The following NRIP1 variants were observed in gnomAD, a reference collection of about 807,000 sequenced individuals.
NRIP1 encodes nuclear receptor interacting protein 1, also known as nuclear receptor-interacting protein 1.
NRIP1 carries 28 observed loss-of-function variants against 75.0 expected under a neutral mutation model. That is an observed-to-expected ratio of 0.37 (90% CI 0.28 to 0.51). NRIP1 has a LOEUF of 0.51. Ranked by LOEUF, NRIP1 falls within the 20% of genes least tolerant of loss-of-function variation. The pLI is 0.92. For synonymous variants in NRIP1, 526 were observed against 487.6 expected (o/e 1.08, Z -1.04); for missense variants, 1,435 against 1,343.7 (o/e 1.07, Z -1.06).
In NRIP1 at chr21:14,964,579, C is replaced by T; in HGVS notation, c.*137G>A. ...ATTAGTATGCATATTTCAACATCAC[C>T]AGTAACCAATACTTTTCAAAATGAA... On this transcript the variant is annotated 3_prime_UTR_variant, in exon 4 of 4. Transcript: ENST00000318948. The T allele has an allele frequency of 4.4e-6, 3 of 682,338 alleles. No individual in the cohort carries two copies. The highest frequency in any genetic ancestry group is 7.0e-6 in the Non-Finnish European group (3 of 426,936). The allele number at this position is 682,338 out of a possible 1,614,324, so 42.3% of individuals were successfully genotyped here.
rs2086786967 is a variant in NRIP1, at chr21:14,967,456, A to T, written c.737T>A (p.Met246Lys). Residue 246 changes from methionine to lysine, a missense_variant, in exon 4 of 4, where the codon ATG becomes AAG. Physicochemically the swap from Met to Lys is moderately conservative, Grantham distance 95 (BLOSUM62 -1). Transcript: ENST00000318948. ...GGCAGGACTAGCCCTTTTTTCCACC[A>T]TGCTTGCAACAGCCTGTAATCTTGC... The part of the protein sequence containing the change: ...CAARLQAVAS[M>K]VEKRASPATS... 1 of 1,613,904 alleles carries T rather than the reference A, an allele frequency of 6.2e-7. No individual in the cohort carries two copies. The highest frequency in any genetic ancestry group is 8.5e-7 in the Non-Finnish European group (1 of 1,179,946).
At chr21:14,976,807 A>G (rs1281745731) in intron 3 of NRIP1, among the ~76,000 whole-genome samples, 1 of 152,184 alleles carries the variant, frequency 6.6e-6, no homozygotes, top group African/African-American at 2.4e-5. Flanking sequence ...AGCTGTTTTT[A>G]AGGATTCAGT....
At chr21:15,041,816 T>C (rs2088961659) in intron 2 of NRIP1, among the ~76,000 whole-genome samples, 1 of 152,202 alleles carries the variant, frequency 6.6e-6, no homozygotes, top group Non-Finnish European at 1.5e-5. Context: ...AAGATAACTC[T>C]GAATTCCATA....
chr21:15,031,090 C>T (rs74633797), intron 2 of NRIP1, among the ~76,000 whole-genome samples: 24 of 23,270 alleles, frequency 1.0e-3, no homozygotes, highest in South Asian at 6.0e-3. Context: ...CTGGAAGGCG[C>T]TCGGAGGATC....
Position 14,967,743 on chromosome 21 carries a change from T to C in NRIP1, c.450A>G (p.Ser150=), listed in dbSNP as rs1166956174. 1 of 1,614,036 alleles carries C rather than the reference T, an allele frequency of 6.2e-7. No individual in the cohort carries two copies. Among genetic ancestry groups the C allele is most frequent in the African/African-American group, 1.3e-5 (1 of 74,912 alleles). ...FSSRLQTVAL[S]QQIRQSLKEQ... ...CCTTGAGGCTCTGCCTGATTTGTTG[T>C]GACAGAGCAACAGTCTGCAGCCTAG... Residue 150 remains serine, a synonymous_variant, in exon 4 of 4, where the codon TCA becomes TCG. Coordinates refer to ENST00000318948, the MANE Select transcript of NRIP1 (RefSeq NM_003489.4).
At chr21:15,061,409 T>C (rs1026790515) in intron 1 of NRIP1, among the ~76,000 whole-genome samples, 2 of 152,104 alleles carry the variant, frequency 1.3e-5, no homozygotes, top group Admixed American at 6.5e-5. Flanking sequence ...ACGCTGCAAC[T>C]AAGGCAGTTT....
At chr21:14,976,804 T>C (rs1316811578) in intron 3 of NRIP1, among the ~76,000 whole-genome samples, 1 of 152,202 alleles carries the variant, frequency 6.6e-6, no homozygotes, top group East Asian at 1.9e-4. Context: ...TCCAGCTGTT[T>C]TTAAGGATTC....
chr21:15,020,470 AAAAT>A (rs1295800106), intron 2 of NRIP1, among the ~76,000 whole-genome samples: 13 of 152,218 alleles, frequency 8.5e-5, no homozygotes, highest in African/African-American at 3.1e-4. Flanking sequence ...CTGAATTGTA[AAAAT>A]TAAAACACAA....
At chr21:15,005,493 C>G (rs1257935255) in intron 3 of NRIP1, among the ~76,000 whole-genome samples, 1 of 152,046 alleles carries the variant, frequency 6.6e-6, no homozygotes, top group African/African-American at 2.4e-5. Context: ...TGTCACAGGG[C>G]GGGTTAGTGT....
chr21:15,026,958 CTTACT>C (rs1048238826), intron 2 of NRIP1, among the ~76,000 whole-genome samples: 1 of 152,082 alleles, frequency 6.6e-6, no homozygotes, highest in African/African-American at 2.4e-5. Context: ...TCATGATGTG[CTTACT>C]TCACATTGCA....
chr21:14,991,110 G>T (rs977193075), intron 3 of NRIP1: 1 of 151,998 alleles, frequency 6.6e-6, no homozygotes, highest in Admixed American at 6.6e-5. Flanking sequence ...CTAAAGGAAG[G>T]AGTCAGGAAC....
At chr21:15,012,787 G>A (rs1204855420) in intron 3 of NRIP1, among the ~76,000 whole-genome samples, 1 of 151,762 alleles carries the variant, frequency 6.6e-6, no homozygotes, top group Non-Finnish European at 1.5e-5. Context: ...ATCTAAATTT[G>A]ACAATTTTCT....
At chr21:15,052,936 AT>A (rs201372079) in intron 1 of NRIP1, among the ~76,000 whole-genome samples, 263 of 152,334 alleles carry the variant, frequency 1.7e-3, no homozygotes, top group East Asian at 3.1e-3. Flanking sequence ...CAAAATTTGA[AT>A]TTCTGATTGG....
chr21:14,986,193 T>TGA (rs2087397733), intron 3 of NRIP1, among the ~76,000 whole-genome samples: 1 of 152,230 alleles, frequency 6.6e-6, no homozygotes. Flanking sequence ...CTGTATTTGT[T>TGA]GAAGAGCTTC....
intron 3 of NRIP1, among the ~76,000 whole-genome samples, chr21:15,003,695 G>T (rs2087900206): frequency 6.6e-6 from 1 of 152,158 alleles, no homozygotes; most frequent in African/African-American, 2.4e-5. Flanking sequence ...TTGCTACAAG[G>T]GGAGAATGCC....
intron 2 of NRIP1, among the ~76,000 whole-genome samples, chr21:15,023,664 A>G (rs2088434265): frequency 6.6e-6 from 1 of 152,236 alleles, no homozygotes; most frequent in South Asian, 2.1e-4. Context: ...CTTTAATGCA[A>G]TGCCTATCAA....
chr21:15,048,760 A>C (rs2089140918), intron 1 of NRIP1, among the ~76,000 whole-genome samples: 1 of 152,260 alleles, frequency 6.6e-6, no homozygotes, highest in African/African-American at 2.4e-5. Flanking sequence ...GCATTCATTT[A>C]CATGACTCTG....
At chr21:15,004,122 T>C (rs1044323995) in intron 3 of NRIP1, among the ~76,000 whole-genome samples, 1 of 152,184 alleles carries the variant, frequency 6.6e-6, no homozygotes, top group Non-Finnish European at 1.5e-5. Flanking sequence ...GAAAAATCCT[T>C]CAGAATAATA....
At chr21:15,052,540 A>C (rs910335228) in intron 1 of NRIP1, among the ~76,000 whole-genome samples, 2 of 152,198 alleles carry the variant, frequency 1.3e-5, no homozygotes, top group South Asian at 2.1e-4. Flanking sequence ...AGTATGTACA[A>C]CCACAGTTTT....
Sources: allele counts gnomAD v4.1 joint callset (sites outside exome capture counted in the v4.1 genomes callset), GRCh38; gene constraint gnomAD v4.1.1; transcripts MANE v1.5; gene names NCBI Gene and HGNC (gene_info 2026-07-23, HGNC 2026-07-21).